SULF2: variants seen among roughly 807,000 people sequenced by gnomAD.
SULF2 encodes sulfatase 2.
In SULF2, 52 loss-of-function variants were observed where a neutral mutation model predicts 107.7. The ratio of observed to expected loss-of-function variants is 0.48; its 90% CI spans 0.39 to 0.61. The LOEUF (loss-of-function observed/expected upper bound fraction) is 0.61. Among genes scored for constraint, SULF2 ranks in the 20% least tolerant of loss-of-function variants. The pLI is 0.00. For missense variants in SULF2, 993 were observed against 1,177.3 expected (o/e 0.84, Z 2.29); for synonymous variants, 460 against 464.3 (o/e 0.99, Z 0.12).
rs6125113 is a variant in SULF2, at chr20:47,779,501, C to G, written c.-101+5842G>C. 6.0e-4 allele frequency among the ~76,000 whole-genome samples: 92 copies of G among 152,330 alleles called. No homozygotes were observed. The East Asian group carries it at 0.012, about 20-fold the overall frequency. ...CTGTTGCCTAACAGTCCCGGTGATA[C>G]CACTTCCATCTGCACAGCACGCCTC... On this transcript the variant is annotated intron_variant, in intron 1 of 20. Coordinates refer to ENST00000688720, the MANE Select transcript of SULF2 (RefSeq NM_001387048.1).
intron 2 of SULF2, among the ~76,000 whole-genome samples, chr20:47,745,157 A>G (rs1030593373): frequency 3.9e-5 from 6 of 151,954 alleles, no homozygotes; most frequent in African/African-American, 7.3e-5. Flanking sequence ...AGGTTTGACT[A>G]TGAAATTCTA....
chr20:47,754,458 GC>G (rs2090233414), intron 2 of SULF2, among the ~76,000 whole-genome samples: 1 of 145,532 alleles, frequency 6.9e-6, no homozygotes, highest in African/African-American at 2.5e-5. Flanking sequence ...AGCCTATCAT[GC>G]CCCTCCCACA....
rs577315664 is a variant in SULF2, at chr20:47,762,997, G to A, written c.-100-5534C>T. On this transcript the variant is annotated intron_variant, in intron 1 of 20. Coordinates refer to ENST00000688720, the MANE Select transcript of SULF2 (RefSeq NM_001387048.1). Reference sequence around the variant, plus strand: ...TCATGCCAGTTTCTCTCCGGATGCTGAAGAAATCAATTAAAGATGACACAA... The same window carrying A: ...TCATGCCAGTTTCTCTCCGGATGCTAAAGAAATCAATTAAAGATGACACAA... Among the ~76,000 whole-genome samples the A allele has an allele frequency of 2.1e-4, 32 of 152,318 alleles. No individual in the cohort carries two copies. In the South Asian group the frequency reaches 3.7e-3, roughly 18 times the overall value.
chr20:47,721,047 G>A (rs1424647937), intron 3 of SULF2, among the ~76,000 whole-genome samples: 1 of 152,122 alleles, frequency 6.6e-6, no homozygotes. Flanking sequence ...GAGCTCCACA[G>A]CTCTCAGGGC....
chr20:47,737,035 G>C (rs1428938813), intron 2 of SULF2, 93 bp from the exon 3 acceptor site: 6 of 1,564,392 alleles, frequency 3.8e-6, no homozygotes, highest in Non-Finnish European at 5.2e-6. Flanking sequence ...CCTAGGTCTG[G>C]AGTGGGCACA....
intron 5 of SULF2, among the ~76,000 whole-genome samples, chr20:47,686,979 C>A (rs538323580): frequency 6.6e-6 from 1 of 152,190 alleles, no homozygotes; most frequent in East Asian, 1.9e-4. Context: ...TCTCTCCCAC[C>A]GAGGAACTGA....
At chr20:47,704,470 G>A (rs1306224041) in intron 3 of SULF2, among the ~76,000 whole-genome samples, 3 of 152,056 alleles carry the variant, frequency 2.0e-5, no homozygotes, top group African/African-American at 7.2e-5. Flanking sequence ...AAGGGGTCTC[G>A]CCATGCTGCA....
At chr20:47,741,759 C>T (rs1265750328) in intron 2 of SULF2, among the ~76,000 whole-genome samples, 1 of 152,166 alleles carries the variant, frequency 6.6e-6, no homozygotes, top group African/African-American at 2.4e-5. Context: ...CCAGACCCTG[C>T]AGAAAGGACA....
At chr20:47,726,107 C>A (rs1433761169) in intron 3 of SULF2, among the ~76,000 whole-genome samples, 3 of 152,164 alleles carry the variant, frequency 2.0e-5, no homozygotes, top group African/African-American at 7.2e-5. Context: ...AAAGCACTCA[C>A]CTAAAGTTCG....
At chr20:47,718,584 A>G (rs2089193962) in intron 3 of SULF2, among the ~76,000 whole-genome samples, 1 of 152,322 alleles carries the variant, frequency 6.6e-6, no homozygotes, top group African/African-American at 2.4e-5. Flanking sequence ...GATGACCACA[A>G]TCGTGGCAGG....
At chr20:47,661,655 G>T in intron 18 of SULF2, 118 bp downstream of exon 18, 1 of 1,127,188 alleles carries the variant, frequency 8.9e-7, no homozygotes, top group Non-Finnish European at 1.2e-6. Flanking sequence ...GTCTGGAACT[G>T]TATCACCTCC....
chr20:47,742,942 T>C (rs1313208082), intron 2 of SULF2, among the ~76,000 whole-genome samples: 1 of 141,310 alleles, frequency 7.1e-6, no homozygotes, highest in Non-Finnish European at 1.5e-5. Context: ...TTTTTTTTTT[T>C]TTTTTTTTTT....
At chr20:47,784,769 C>T (rs1353177924) in intron 1 of SULF2, among the ~76,000 whole-genome samples, 1 of 152,206 alleles carries the variant, frequency 6.6e-6, no homozygotes, top group Admixed American at 6.5e-5. Context: ...CCCCGAGGAG[C>T]CGGGGAGGGG....
intron 1 of SULF2, among the ~76,000 whole-genome samples, chr20:47,774,301 C>G (rs2090685780): frequency 6.6e-6 from 1 of 152,240 alleles, no homozygotes; most frequent in Non-Finnish European, 1.5e-5. Context: ...CTACTAGCAG[C>G]CTCCCCTGCT....
At position 47,658,379 on chromosome 20, in the gene SULF2, C is replaced by A; in HGVS notation, c.2596G>T (p.Glu866Ter). ...PSSKSLGQLW[E>*]GWEG ...GTTGTTTCTTAACCTTCCCAGCCTTCCCACAGTTGTCCCCTAAAGAACAAA... is the reference window on the plus strand; with the variant it reads ...GTTGTTTCTTAACCTTCCCAGCCTTACCACAGTTGTCCCCTAAAGAACAAA... Residue 866 changes from glutamate (E) to a stop codon, truncating the protein, a stop_gained, in exon 21 of 21, where the codon GAA (glutamate) becomes TAA (stop). Coordinates refer to ENST00000688720, the MANE Select transcript of SULF2 (RefSeq NM_001387048.1). LOFTEE classifies it high-confidence loss of function. 6.2e-7 allele frequency: 1 copy of A among 1,614,218 alleles called. No homozygotes were observed. The highest frequency in any genetic ancestry group is 8.5e-7 in the Non-Finnish European group (1 of 1,180,026).
At chr20:47,769,130 T>C (rs899999706) in intron 1 of SULF2, among the ~76,000 whole-genome samples, 2 of 151,970 alleles carry the variant, frequency 1.3e-5, no homozygotes, top group African/African-American at 4.8e-5. Flanking sequence ...TACCTCCACC[T>C]CCTGGGTTCA....
chr20:47,691,194 G>A (rs2088185404), intron 4 of SULF2, among the ~76,000 whole-genome samples: 1 of 152,144 alleles, frequency 6.6e-6, no homozygotes, highest in African/African-American at 2.4e-5. Context: ...GCCTACACTG[G>A]GGCAGGAGCA....
intron 3 of SULF2, among the ~76,000 whole-genome samples, chr20:47,729,908 C>T (rs758487744): frequency 3.3e-5 from 5 of 152,200 alleles, no homozygotes; most frequent in Non-Finnish European, 7.4e-5. Context: ...TGAATGAAAC[C>T]GCTTTAGGGA....
In SULF2 at chr20:47,702,689, C is replaced by CAGG; in HGVS notation, c.416-22_416-20dup. On this transcript the variant is annotated intron_variant, in intron 3 of 20. Coordinates refer to ENST00000688720, the MANE Select transcript of SULF2 (RefSeq NM_001387048.1). ...AAGAAAGCTGCGGAGGGAGATGGAT[C>CAGG]AGGAGGCCACGTGAGAAAGTGCCTG... 2 of 1,612,356 alleles carry CAGG rather than the reference C, an allele frequency of 1.2e-6. No homozygotes were observed. Among genetic ancestry groups the CAGG allele is most frequent in the South Asian group, 2.2e-5 (2 of 90,962 alleles).
Sources: allele counts gnomAD v4.1 joint callset (sites outside exome capture counted in the v4.1 genomes callset), GRCh38; gene constraint gnomAD v4.1.1; transcripts MANE v1.5; gene names NCBI Gene and HGNC (gene_info 2026-07-23, HGNC 2026-07-21).